The following SLC25A26 variants were observed in gnomAD, a reference collection of about 807,000 sequenced individuals.
The protein encoded by SLC25A26 is mitochondrial S-adenosylmethionine carrier protein.
In SLC25A26, 36 loss-of-function variants were observed where a neutral mutation model predicts 37.8. That is an observed-to-expected ratio of 0.95 (90% confidence interval 0.73 to 1.26). The LOEUF (loss-of-function observed/expected upper bound fraction) is 1.26. Ranked by LOEUF, SLC25A26 falls within the 50% of genes most tolerant of loss-of-function variation. The pLI, the probability that SLC25A26 is intolerant of heterozygous loss-of-function variation, is 0.00. For missense variants in SLC25A26, 390 were observed against 331.1 expected, an observed-to-expected ratio of 1.18 and a Z score of -1.38; for synonymous variants, 129 against 122.5, an observed-to-expected ratio of 1.05 and a Z score of -0.35.
chr3:66,178,706 C>T (rs1054040124), intron 1 of SLC25A26, among the ~76,000 whole-genome samples: 20 of 152,132 alleles, frequency 1.3e-4, no homozygotes, highest in African/African-American at 3.9e-4. Context: ...GATTTGTTAA[C>T]GTTATGAATC....
chr3:66,222,126 A>T (rs1212004284), intron 1 of SLC25A26, among the ~76,000 whole-genome samples: 1 of 151,864 alleles, frequency 6.6e-6, no homozygotes, highest in African/African-American at 2.4e-5. Context: ...TTAAATCTAG[A>T]TTTGTTGAAA....
intron 1 of SLC25A26, among the ~76,000 whole-genome samples, chr3:66,165,872 A>T (rs2070418434): frequency 6.6e-6 from 1 of 152,066 alleles, no homozygotes; most frequent in African/African-American, 2.4e-5. Context: ...ACATGCAAGG[A>T]GTGGTAATTC....
chr3:66,193,776 C>G (rs2106796559), intron 1 of SLC25A26, among the ~76,000 whole-genome samples: 1 of 152,274 alleles, frequency 6.6e-6, no homozygotes, highest in South Asian at 2.1e-4. Context: ...CCTAGAAACT[C>G]ATGGTAATGC....
intron 5 of SLC25A26, among the ~76,000 whole-genome samples, chr3:66,318,512 C>T (rs761079126): frequency 1.1e-4 from 17 of 152,092 alleles, no homozygotes; most frequent in African/African-American, 1.7e-4. Flanking sequence ...CCAACTGCCT[C>T]GTCAGTCCCA....
At chr3:66,258,975 G>C (rs1204877347) in intron 3 of SLC25A26, among the ~76,000 whole-genome samples, 2 of 151,746 alleles carry the variant, frequency 1.3e-5, no homozygotes, top group Non-Finnish European at 2.9e-5. Context: ...CTCCATAGCT[G>C]CATGGGCTAG....
chr3:66,170,210 G>A (rs1012622363), intron 1 of SLC25A26, among the ~76,000 whole-genome samples: 18 of 152,204 alleles, frequency 1.2e-4, no homozygotes, highest in Non-Finnish European at 1.5e-4. Flanking sequence ...ATGCAAAAAT[G>A]GAGCAGGAAA....
intron 1 of SLC25A26, among the ~76,000 whole-genome samples, chr3:66,235,481 A>C (rs1344693033): frequency 6.6e-6 from 1 of 152,156 alleles, no homozygotes; most frequent in East Asian, 1.9e-4. Flanking sequence ...CAATTTATTC[A>C]CTTGATTTAA....
At chr3:66,251,850 G>C (rs1338747726) in intron 3 of SLC25A26, among the ~76,000 whole-genome samples, 3 of 152,102 alleles carry the variant, frequency 2.0e-5, no homozygotes, top group Admixed American at 6.5e-5. Flanking sequence ...TGTTAGTTCA[G>C]ATGGTATTGA....
intron 6 of SLC25A26, among the ~76,000 whole-genome samples, chr3:66,351,089 G>C (rs976535629): frequency 1.3e-5 from 2 of 152,096 alleles, no homozygotes; most frequent in Non-Finnish European, 2.9e-5. Flanking sequence ...TGTCTACTCT[G>C]AGCTGGATAT....
intron 5 of SLC25A26, among the ~76,000 whole-genome samples, chr3:66,294,636 C>G (rs1400828153): frequency 2.0e-5 from 3 of 152,030 alleles, no homozygotes; most frequent in Admixed American, 6.6e-5. Context: ...GTGTGATGTT[C>G]TCATATAAAT....
At chr3:66,310,536 A>G (rs766786038) in intron 5 of SLC25A26, among the ~76,000 whole-genome samples, 1 of 152,156 alleles carries the variant, frequency 6.6e-6, no homozygotes, top group African/African-American at 2.4e-5. Context: ...TCGATCTGTC[A>G]TGATGCTAGC....
At chr3:66,166,800 T>C (rs1354878637) in intron 1 of SLC25A26, among the ~76,000 whole-genome samples, 2 of 152,130 alleles carry the variant, frequency 1.3e-5, no homozygotes, top group East Asian at 3.9e-4. Flanking sequence ...ATGAGCCTCG[T>C]CAATGATGAT....
chr3:66,285,473 A>G (rs1292907939), intron 5 of SLC25A26, among the ~76,000 whole-genome samples: 1 of 68,148 alleles, frequency 1.5e-5, no homozygotes, highest in Non-Finnish European at 2.8e-5. Context: ...GTTTGGTAAT[A>G]CTAGGTAATA....
intron 5 of SLC25A26, among the ~76,000 whole-genome samples, chr3:66,284,154 C>T (rs1306344067): frequency 6.6e-6 from 1 of 151,938 alleles, no homozygotes; most frequent in Non-Finnish European, 1.5e-5. Context: ...TGAGACTAGC[C>T]TGGGCAACAT....
intron 1 of SLC25A26, among the ~76,000 whole-genome samples, chr3:66,179,577 A>G (rs541642382): frequency 3.0e-4 from 45 of 152,208 alleles, no homozygotes; most frequent in Non-Finnish European, 5.6e-4. Flanking sequence ...AAAGTAAAGA[A>G]TTTCTGTTCT....
chr3:66,236,505 C>CT (rs782488349), intron 1 of SLC25A26, 39 bp from the exon 2 acceptor site: 8,643 of 1,204,696 alleles, frequency 7.2e-3, no homozygotes, highest in South Asian at 0.011. Flanking sequence ...TTGTTGTAAC[C>CT]TTTTTTTTTT....
intron 6 of SLC25A26, among the ~76,000 whole-genome samples, chr3:66,348,676 A>G (rs1392229061): frequency 6.6e-6 from 1 of 152,258 alleles, no homozygotes; most frequent in Non-Finnish European, 1.5e-5. Context: ...AACATTACTC[A>G]TTAACAAAGT....
intron 7 of SLC25A26, among the ~76,000 whole-genome samples, chr3:66,368,216 G>A (rs186550648): frequency 6.6e-6 from 1 of 152,186 alleles, no homozygotes; most frequent in African/African-American, 2.4e-5. Context: ...CGGGTGTCCT[G>A]TTGCCCTTAT....
At chr3:66,156,616 T>C (rs2070286310) in intron 1 of SLC25A26, among the ~76,000 whole-genome samples, 1 of 152,144 alleles carries the variant, frequency 6.6e-6, no homozygotes, top group Admixed American at 6.5e-5. Context: ...ATGCTTGTCA[T>C]GATGTAGGGG....
Sources: allele counts gnomAD v4.1 joint callset (sites outside exome capture counted in the v4.1 genomes callset), GRCh38; gene constraint gnomAD v4.1.1; transcripts MANE v1.5; gene names NCBI Gene and HGNC (gene_info 2026-07-23, HGNC 2026-07-21).